Variants in FARP1 observed in about 807,000 individuals in gnomAD.
FARP1 encodes FERM, ARHGEF and pleckstrin domain-containing protein 1.
A neutral mutation model predicts 128.8 loss-of-function variants in FARP1; 52 were observed. The observed-to-expected ratio is 0.40, with a 90% CI of 0.32 to 0.51. The LOEUF is 0.51. FARP1 is among the 20% of genes least tolerant of loss of function. The pLI is 0.45. For missense variants in FARP1, 1,333 were observed against 1,367.9 expected (o/e 0.97, Z 0.40); for synonymous variants, 580 against 551.8 (o/e 1.05, Z -0.72).
intron 5 of FARP1, among the ~76,000 whole-genome samples, chr13:98,372,109 T>C (rs1380353001): frequency 1.6e-5 from 2 of 122,404 alleles, no homozygotes; most frequent in African/African-American, 6.3e-5. Flanking sequence ...TTTTTGGCGA[T>C]GGAGTCTCGC....
At chr13:98,332,796 T>C (rs1042276630) in intron 2 of FARP1, 1 of 152,230 alleles carries the variant, frequency 6.6e-6, no homozygotes, top group Admixed American at 6.5e-5. Context: ...AAAGCTGTGC[T>C]TCAGAGACAA....
intron 8 of FARP1, chr13:98,386,134 C>T (rs1307371863): frequency 1.1e-4 from 24 of 211,656 alleles, no homozygotes; most frequent in African/African-American, 4.6e-5. Context: ...TTTTAGGTCC[C>T]CGAATAAACA....
chr13:98,385,354 T>G (rs552732526), intron 7 of FARP1, among the ~76,000 whole-genome samples: 5 of 152,212 alleles, frequency 3.3e-5, no homozygotes, highest in Non-Finnish European at 5.9e-5. Context: ...AATCTTGTTT[T>G]AACCCAGTGG....
At chr13:98,146,750 C>T (rs1424276360) in intron 1 of FARP1, among the ~76,000 whole-genome samples, 1 of 152,198 alleles carries the variant, frequency 6.6e-6, no homozygotes, top group Admixed American at 6.5e-5. Context: ...TACCGTTTGC[C>T]TGGGAAGGGA....
rs898826932 is a variant in FARP1, at chr13:98,395,271, T to G, written c.1209T>G (p.Ser403=). 2 of 1,607,166 alleles carry G rather than the reference T, an allele frequency of 1.2e-6. No homozygotes were observed. The highest frequency in any genetic ancestry group is 1.3e-5 in the African/African-American group (1 of 74,786). Residue 403 remains serine, a synonymous_variant, in exon 13 of 27, where the codon TCT becomes TCG. Transcript: ENST00000319562. ...TSLTFGEGAE[S]PGGQSCRRGK... is the part of the protein sequence containing the mutation. ...TTACATTTGGAGAAGGTGCCGAATC[T>G]CCAGGGGGCCAGAGCTGCCGGCGAG...
chr13:98,216,301 A>G (rs368440466), intron 2 of FARP1, among the ~76,000 whole-genome samples: 2 of 152,130 alleles, frequency 1.3e-5, no homozygotes, highest in Non-Finnish European at 2.9e-5. Flanking sequence ...GTCATCAGGG[A>G]TTGGGAGGAA....
Position 98,451,759 on chromosome 13 carries a change from C to T in FARP1, c.*3442C>T, listed in dbSNP as rs1354252995. Reference sequence around the variant, plus strand: ...ATAAAAGAATGCTTCATGTACCAGTCAACAGCTGCTGCACGAACCCTCCCA... The same window carrying T: ...ATAAAAGAATGCTTCATGTACCAGTTAACAGCTGCTGCACGAACCCTCCCA... On this transcript the variant is annotated 3_prime_UTR_variant, in exon 27 of 27. Coordinates refer to ENST00000319562, the MANE Select transcript of FARP1 (RefSeq NM_005766.4). The T allele has an allele frequency of 6.6e-6, 1 of 152,204 alleles. No homozygotes were observed. The highest frequency in any genetic ancestry group is 1.5e-5 in the Non-Finnish European group (1 of 68,050). 9.4% of individuals were successfully genotyped at this position (152,204 alleles called of 1,614,324 possible). A position where few individuals can be genotyped will look rare whatever the true frequency, so the allele number is the denominator to read the frequency against.
intron 2 of FARP1, among the ~76,000 whole-genome samples, chr13:98,290,736 C>G (rs921087647): frequency 1.3e-5 from 2 of 151,980 alleles, no homozygotes; most frequent in African/African-American, 4.8e-5. Context: ...TGCTGGGGTT[C>G]CAGCTACATT....
At chr13:98,335,050 A>G (rs150536206) in intron 2 of FARP1, among the ~76,000 whole-genome samples, 2 of 152,220 alleles carry the variant, frequency 1.3e-5, no homozygotes, top group Non-Finnish European at 2.9e-5. Flanking sequence ...GGCTACTTCT[A>G]AAAACACATT....
chr13:98,179,504 T>A (rs571883294), intron 1 of FARP1, among the ~76,000 whole-genome samples: 2 of 152,166 alleles, frequency 1.3e-5, no homozygotes, highest in African/African-American at 4.8e-5. Context: ...TGATCTTTGC[T>A]GCCAGAATTC....
chr13:98,164,677 T>C (rs1877117080), intron 1 of FARP1, among the ~76,000 whole-genome samples: 1 of 152,200 alleles, frequency 6.6e-6, no homozygotes, highest in Non-Finnish European at 1.5e-5. Flanking sequence ...CATTCTTCAT[T>C]GTTGTTCTGG....
At chr13:98,380,392 C>G (rs1229320249) in intron 6 of FARP1, among the ~76,000 whole-genome samples, 1 of 150,996 alleles carries the variant, frequency 6.6e-6, no homozygotes, top group African/African-American at 2.4e-5. Context: ...ACCCCACTGC[C>G]CTCCAGCCTG....
intron 2 of FARP1, among the ~76,000 whole-genome samples, chr13:98,240,748 C>G (rs1273397334): frequency 6.6e-6 from 1 of 152,184 alleles, no homozygotes; most frequent in African/African-American, 2.4e-5. Context: ...CAAATAACAC[C>G]TGAGAGAGTG....
intron 2 of FARP1, among the ~76,000 whole-genome samples, chr13:98,335,622 CCTTT>C (rs943929723): frequency 1.2e-4 from 18 of 152,272 alleles, no homozygotes; most frequent in African/African-American, 3.9e-4. Context: ...TTCTTGCTTT[CCTTT>C]CTGTCTGCTT....
chr13:98,204,149 A>T (rs1016129918), intron 1 of FARP1: 1 of 152,246 alleles, frequency 6.6e-6, no homozygotes, highest in African/African-American at 2.4e-5. Flanking sequence ...AACCCTGACG[A>T]TCAATGGGGT....
intron 1 of FARP1, among the ~76,000 whole-genome samples, chr13:98,173,334 T>C (rs1195377013): frequency 1.3e-5 from 2 of 152,194 alleles, no homozygotes; most frequent in African/African-American, 2.4e-5. Flanking sequence ...GTGGTACTTA[T>C]AAAAACTCCT....
chr13:98,446,243 TG>T, intron 25 of FARP1, 38 bp downstream of exon 25: 3 of 1,421,464 alleles, frequency 2.1e-6, no homozygotes, highest in Non-Finnish European at 2.0e-6. Context: ...CCTGGGACCT[TG>T]GGGGTGGCAG....
At position 98,385,834 on chromosome 13, in the gene FARP1, G is replaced by T; in HGVS notation, c.759+20G>T. ...TTTCAGGTGAGAGCCTTGAGAACAC[G>T]GCCTGGTTCCCTTGGTGACAGAGAG... On this transcript the variant is annotated intron_variant, in intron 8 of 26. Transcript: ENST00000319562. 1.2e-6 allele frequency: 2 copies of T among 1,611,786 alleles called. No individual in the cohort carries two copies. Among genetic ancestry groups the T allele is most frequent in the South Asian group, 2.2e-5 (2 of 91,028 alleles).
intron 13 of FARP1, chr13:98,398,289 GTT>G: frequency 6.6e-6 from 1 of 152,244 alleles, no homozygotes; most frequent in East Asian, 1.9e-4. Flanking sequence ...TTTGAGAGTT[GTT>G]CATTGAAGTA....
Sources: gnomAD v4.1 joint callset for allele counts (sites outside exome capture counted in the v4.1 genomes callset) on GRCh38, gnomAD v4.1.1 for gene constraint, MANE v1.5 for transcripts, NCBI Gene and HGNC (gene_info 2026-07-23, HGNC 2026-07-21) for gene names.